The following JAZF1 variants were observed in gnomAD, a reference collection of about 807,000 sequenced individuals.
JAZF1 encodes the protein JAZF zinc finger 1.
Under a neutral mutation model 26.4 loss-of-function variants are expected in JAZF1, and 8 were observed. The ratio of observed to expected loss-of-function variants is 0.30; its 90% confidence interval spans 0.18 to 0.55. The LOEUF is 0.55. Ranked by LOEUF, JAZF1 falls within the 20% of genes least tolerant of loss-of-function variation. JAZF1 has a pLI of 0.94. For missense variants in JAZF1, 199 were observed against 322.0 expected (o/e 0.62, Z 2.92); for synonymous variants, 126 against 122.3 (o/e 1.03, Z -0.20).
intron 1 of JAZF1, among the ~76,000 whole-genome samples, chr7:28,126,620 G>A (rs755973469): frequency 1.6e-4 from 24 of 152,198 alleles, no homozygotes; most frequent in Non-Finnish European, 2.6e-4. Flanking sequence ...GAGCGGTGAT[G>A]ATGCAAGAGG....
chr7:27,910,456 A>T (rs1353315350), intron 2 of JAZF1, among the ~76,000 whole-genome samples: 1 of 152,134 alleles, frequency 6.6e-6, no homozygotes, highest in East Asian at 1.9e-4. Flanking sequence ...CCTTCTGCTG[A>T]TTTACAAGGA....
At chr7:28,139,555 G>A (rs1782932876) in intron 1 of JAZF1, among the ~76,000 whole-genome samples, 1 of 152,144 alleles carries the variant, frequency 6.6e-6, no homozygotes, top group South Asian at 2.1e-4. Flanking sequence ...CCAGAAGCTG[G>A]GAAAAGGACC....
At chr7:27,906,012 A>C (rs1784249854) in intron 2 of JAZF1, among the ~76,000 whole-genome samples, 1 of 152,238 alleles carries the variant, frequency 6.6e-6, no homozygotes, top group East Asian at 1.9e-4. Context: ...CAAATTTTTA[A>C]AAATATCTAA....
intron 3 of JAZF1, among the ~76,000 whole-genome samples, chr7:27,880,416 C>T (rs976407030): frequency 8.5e-5 from 13 of 152,192 alleles, no homozygotes; most frequent in African/African-American, 3.1e-4. Flanking sequence ...GGGCGGATCA[C>T]GAGGTCAGGA....
intron 2 of JAZF1, among the ~76,000 whole-genome samples, chr7:27,965,581 T>C (rs955508929): frequency 6.6e-6 from 1 of 152,224 alleles, no homozygotes; most frequent in Non-Finnish European, 1.5e-5. Flanking sequence ...TGAGACATCT[T>C]TTTGGAATAC....
chr7:28,019,782 T>C (rs950464781), intron 1 of JAZF1, among the ~76,000 whole-genome samples: 11 of 152,256 alleles, frequency 7.2e-5, no homozygotes, highest in Middle Eastern at 3.4e-3. Flanking sequence ...TGCTTTATGA[T>C]AGAGACAAGA....
intron 1 of JAZF1, among the ~76,000 whole-genome samples, chr7:27,995,134 G>A (rs1429129500): frequency 6.6e-6 from 1 of 152,126 alleles, no homozygotes; most frequent in African/African-American, 2.4e-5. Flanking sequence ...GATATTTTTT[G>A]AACATGATAA....
At chr7:28,071,104 C>G (rs768778615) in intron 1 of JAZF1, among the ~76,000 whole-genome samples, 1 of 152,124 alleles carries the variant, frequency 6.6e-6, no homozygotes, top group East Asian at 1.9e-4. Context: ...AAAACGGAAT[C>G]GGCTCTGGAG....
At chr7:28,092,680 A>C (rs1784322167) in intron 1 of JAZF1, among the ~76,000 whole-genome samples, 2 of 151,896 alleles carry the variant, frequency 1.3e-5, no homozygotes. Context: ...CCATCTCTAC[A>C]AAAATACAAA....
chr7:27,932,847 C>A (rs146151651), intron 2 of JAZF1, among the ~76,000 whole-genome samples: 10 of 152,258 alleles, frequency 6.6e-5, no homozygotes, highest in African/African-American at 2.4e-4. Flanking sequence ...TTCTTCTAGC[C>A]TTAAGGCTTA....
At chr7:27,941,521 C>A (rs1295204782) in intron 2 of JAZF1, among the ~76,000 whole-genome samples, 1 of 152,176 alleles carries the variant, frequency 6.6e-6, no homozygotes, top group Non-Finnish European at 1.5e-5. Context: ...ATTATCTCAA[C>A]AGACCTGCTT....
At chr7:28,043,119 T>G (rs546820897) in intron 1 of JAZF1, among the ~76,000 whole-genome samples, 1 of 152,308 alleles carries the variant, frequency 6.6e-6, no homozygotes, top group Admixed American at 6.5e-5. Flanking sequence ...TGAATGAGGA[T>G]TCACATTAAC....
At chr7:28,028,223 G>A (rs559528407) in intron 1 of JAZF1, among the ~76,000 whole-genome samples, 42 of 152,196 alleles carry the variant, frequency 2.8e-4, no homozygotes, top group African/African-American at 9.6e-4. Flanking sequence ...TTGACCTCTG[G>A]GTATTTCATT....
At chr7:28,142,724 T>C (rs1488364128) in intron 1 of JAZF1, among the ~76,000 whole-genome samples, 2 of 152,174 alleles carry the variant, frequency 1.3e-5, no homozygotes, top group African/African-American at 2.4e-5. Flanking sequence ...TGCTAGCCCA[T>C]GCAGCCCTTT....
intron 1 of JAZF1, among the ~76,000 whole-genome samples, chr7:28,119,737 C>T (rs1784807081): frequency 6.6e-6 from 1 of 152,192 alleles, no homozygotes; most frequent in South Asian, 2.1e-4. Flanking sequence ...ATTTCATTAA[C>T]TCAACAGATA....
intron 1 of JAZF1, among the ~76,000 whole-genome samples, chr7:28,176,016 T>C (rs1783545987): frequency 6.6e-6 from 1 of 152,198 alleles, no homozygotes; most frequent in Admixed American, 6.5e-5. Flanking sequence ...TACAGAAACT[T>C]TGACCTTTAT....
At position 27,911,864 on chromosome 7, in the gene JAZF1, G is replaced by A. The variant is rs369154989; in HGVS notation, c.189-16448C>T. ...ATACCTGCAGTATAAATGGCAGGAG[G>A]AGAGACTGAGTAATGGGTCTCATAT... On this transcript the variant is annotated intron_variant, in intron 2 of 4. Transcript: ENST00000283928. 1.8e-4 allele frequency among the ~76,000 whole-genome samples: 28 copies of A among 152,302 alleles called. No homozygotes were observed. In the South Asian group the frequency reaches 5.0e-3, roughly 27 times the overall value.
chr7:28,090,603 C>A (rs1407075667), intron 1 of JAZF1, among the ~76,000 whole-genome samples: 1 of 152,116 alleles, frequency 6.6e-6, no homozygotes, highest in African/African-American at 2.4e-5. Context: ...ATCACAATAT[C>A]CTCCAACACA....
chr7:27,986,736 G>A (rs12216542), intron 2 of JAZF1, among the ~76,000 whole-genome samples: 26,614 of 148,630 alleles, frequency 0.18, 2,971 homozygotes, highest in East Asian at 0.48. Flanking sequence ...CTGCCATCTC[G>A]GCTCACTGCA....
Sources: gnomAD v4.1 joint callset for allele counts (sites outside exome capture counted in the v4.1 genomes callset) on GRCh38, gnomAD v4.1.1 for gene constraint, MANE v1.5 for transcripts, NCBI Gene and HGNC (gene_info 2026-07-23, HGNC 2026-07-21) for gene names.